SHISA6: variants seen among roughly 807,000 people sequenced by gnomAD.
SHISA6 encodes the protein protein shisa-6.
SHISA6 carries 22 observed loss-of-function variants against 47.9 expected under a neutral mutation model. The observed-to-expected ratio is 0.46, with a 90% CI of 0.33 to 0.66. SHISA6 has a LOEUF of 0.66. Among genes scored for constraint, SHISA6 ranks in the 30% least tolerant of loss-of-function variants. The probability of loss-of-function intolerance (pLI) is 0.02; values close to 1 mark genes in which losing one functional copy is unlikely to be tolerated. For synonymous variants in SHISA6, 388 were observed against 337.8 expected (o/e 1.15, Z -1.63); for missense variants, 680 against 764.6 (o/e 0.89, Z 1.30).
chr17:11,408,825 T>C (rs1222120850), intron 3 of SHISA6, among the ~76,000 whole-genome samples: 1 of 152,220 alleles, frequency 6.6e-6, no homozygotes, highest in Non-Finnish European at 1.5e-5. Flanking sequence ...AGCTGCCTTA[T>C]TGACGTGATG....
chr17:11,421,069 A>G (rs549760847), intron 3 of SHISA6, among the ~76,000 whole-genome samples: 5 of 152,242 alleles, frequency 3.3e-5, no homozygotes, highest in Admixed American at 2.0e-4. Flanking sequence ...ACCTTTCACC[A>G]TTTTATGTGC....
At chr17:11,419,485 TA>T (rs1914390038) in intron 3 of SHISA6, among the ~76,000 whole-genome samples, 1 of 152,082 alleles carries the variant, frequency 6.6e-6, no homozygotes, top group African/African-American at 2.4e-5. Context: ...ATAAATTCAC[TA>T]AAGAGATGTG....
chr17:11,419,369 C>T (rs896534112), intron 3 of SHISA6, among the ~76,000 whole-genome samples: 103 of 151,758 alleles, frequency 6.8e-4, no homozygotes, highest in African/African-American at 2.3e-3. Flanking sequence ...GATTAAGTCA[C>T]TAGGTTTAAC....
Position 11,361,305 on chromosome 17 carries a change from CA to C in SHISA6, c.800-18108del, listed in dbSNP as rs530875516. On this transcript the variant is annotated intron_variant, in intron 2 of 5. Transcript: ENST00000441885. The stretch of plus-strand genomic sequence containing the variant: ...AGTAAATTAGTCTGAGGAGAATTTA[CA>C]CTTTCACAATATCTAATGTGTGTAC... 9.7e-4 allele frequency among the ~76,000 whole-genome samples: 147 copies of C among 152,242 alleles called. 2 individuals are homozygous for C. The highest frequency in any genetic ancestry group is 3.4e-3 in the African/African-American group (140 of 41,534).
chr17:11,425,871 C>G (rs1301681536), intron 3 of SHISA6, among the ~76,000 whole-genome samples: 1 of 152,162 alleles, frequency 6.6e-6, no homozygotes, highest in African/African-American at 2.4e-5. Context: ...TCCCCTGCAG[C>G]CCCAGTGCAA....
intron 3 of SHISA6, among the ~76,000 whole-genome samples, chr17:11,421,086 T>C (rs2142281319): frequency 6.6e-6 from 1 of 152,308 alleles, no homozygotes; most frequent in South Asian, 2.1e-4. Flanking sequence ...GTGCCTTCAT[T>C]TCAATTTGTT....
At chr17:11,399,556 G>A (rs1047884469) in intron 3 of SHISA6, among the ~76,000 whole-genome samples, 3 of 152,042 alleles carry the variant, frequency 2.0e-5, no homozygotes, top group African/African-American at 4.8e-5. Flanking sequence ...TGAGTAGCTG[G>A]GATTAGAGGT....
chr17:11,348,890 T>C (rs557163056), intron 2 of SHISA6, among the ~76,000 whole-genome samples: 1 of 152,306 alleles, frequency 6.6e-6, no homozygotes, highest in South Asian at 2.1e-4. Flanking sequence ...TGAGCAAACA[T>C]AGAAACAAGT....
At chr17:11,385,750 G>A (rs1010486842) in intron 3 of SHISA6, among the ~76,000 whole-genome samples, 1 of 152,094 alleles carries the variant, frequency 6.6e-6, no homozygotes, top group Non-Finnish European at 1.5e-5. Flanking sequence ...AGAGGCTGGG[G>A]GGATGAGGAG....
intron 2 of SHISA6, among the ~76,000 whole-genome samples, chr17:11,316,347 G>GA (rs994153794): frequency 1.1e-5 from 1 of 87,402 alleles, no homozygotes; most frequent in Non-Finnish European, 2.1e-5. Flanking sequence ...TTTTTTTTTT[G>GA]TATTCAATGG....
intron 3 of SHISA6, among the ~76,000 whole-genome samples, chr17:11,398,592 G>T (rs929948589): frequency 1.3e-5 from 2 of 150,132 alleles, no homozygotes; most frequent in East Asian, 1.9e-4. Flanking sequence ...TTGTTTGCTT[G>T]TTTTTTTGTT....
At chr17:11,554,419 C>T (rs2071957453) in intron 4 of SHISA6, among the ~76,000 whole-genome samples, 1 of 152,150 alleles carries the variant, frequency 6.6e-6, no homozygotes, top group African/African-American at 2.4e-5. Flanking sequence ...GTAGAAAAGT[C>T]AGGAGTCCCC....
chr17:11,549,758 C>CT (rs2071914048), intron 3 of SHISA6, among the ~76,000 whole-genome samples: 1 of 152,226 alleles, frequency 6.6e-6, no homozygotes, highest in Admixed American at 6.5e-5. Context: ...TCCCATTTCT[C>CT]TGTGATCCTG....
chr17:11,251,807 T>C (rs1458114442), intron 1 of SHISA6, among the ~76,000 whole-genome samples: 1 of 152,150 alleles, frequency 6.6e-6, no homozygotes, highest in South Asian at 2.1e-4. Flanking sequence ...TCCCCTGTCC[T>C]GAGGGGCACG....
intron 3 of SHISA6, among the ~76,000 whole-genome samples, chr17:11,511,957 A>T (rs758783766): frequency 6.6e-6 from 1 of 152,236 alleles, no homozygotes; most frequent in Non-Finnish European, 1.5e-5. Flanking sequence ...TTGGGCCAGG[A>T]TTCAAGAGAC....
chr17:11,253,311 GT>G (rs5819309), intron 1 of SHISA6, among the ~76,000 whole-genome samples: 127,483 of 144,898 alleles, frequency 0.88, 57,870 homozygotes, highest in Non-Finnish European at 0.99. Flanking sequence ...CCTGGGCAAA[GT>G]TTTTTTTTTT....
At chr17:11,472,911 A>G (rs1363059217) in intron 3 of SHISA6, among the ~76,000 whole-genome samples, 2 of 152,182 alleles carry the variant, frequency 1.3e-5, no homozygotes, top group East Asian at 3.9e-4. Context: ...ATGACATATG[A>G]TCTAGACCAT....
intron 3 of SHISA6, among the ~76,000 whole-genome samples, chr17:11,501,127 T>TTG (rs2071449236): frequency 6.6e-6 from 1 of 152,024 alleles, no homozygotes; most frequent in South Asian, 2.1e-4. Context: ...TTTTTTTTTT[T>TTG]TTGAGATGGA....
At chr17:11,331,845 C>T (rs11078017) in intron 2 of SHISA6, among the ~76,000 whole-genome samples, 47,685 of 151,874 alleles carry the variant, frequency 0.31, 8,625 homozygotes, top group South Asian at 0.5. Flanking sequence ...CTTGCTGTCA[C>T]CTCTGGGTCT....
Sources: allele counts gnomAD v4.1 joint callset (sites outside exome capture counted in the v4.1 genomes callset), GRCh38; gene constraint gnomAD v4.1.1; transcripts MANE v1.5; gene names NCBI Gene and HGNC (gene_info 2026-07-23, HGNC 2026-07-21).